HNRNPUL1: variants seen among roughly 807,000 people sequenced by gnomAD.
HNRNPUL1 encodes the protein heterogeneous nuclear ribonucleoprotein U-like protein 1.
In HNRNPUL1, 14 loss-of-function variants were observed where a neutral mutation model predicts 108.5. The observed-to-expected ratio is 0.13, with a 90% CI of 0.09 to 0.20. The LOEUF (loss-of-function observed/expected upper bound fraction) is 0.20, where lower values mean the gene tolerates loss of function less well. HNRNPUL1 is among the 10% of genes least tolerant of loss of function. The pLI is 1.00. For synonymous variants in HNRNPUL1, 422 were observed against 445.2 expected, an observed-to-expected ratio of 0.95 and a Z score of 0.66; for missense variants, 804 against 1,168.3, an observed-to-expected ratio of 0.69 and a Z score of 4.55.
chr19:41,278,800 A>G (rs1030824663), intron 5 of HNRNPUL1, among the ~76,000 whole-genome samples: 3 of 152,090 alleles, frequency 2.0e-5, no homozygotes, highest in Non-Finnish European at 4.4e-5. Context: ...ACACTGTAAC[A>G]GTTTATCTTT....
chr19:41,305,951 C>T, intron 14 of HNRNPUL1, 84 bp downstream of exon 14: 2 of 946,624 alleles, frequency 2.1e-6, no homozygotes, highest in Admixed American at 2.7e-5. Context: ...TAAGTCCCTG[C>T]TTATCCCTAA....
rs1193359377 is a variant in HNRNPUL1 at position 41,281,237 on chromosome 19, G to C, written c.961G>C (p.Asp321His). 6.2e-7 allele frequency: 1 copy of C among 1,614,124 alleles called. No homozygotes were observed. The highest frequency in any genetic ancestry group is 1.7e-5 in the Admixed American group (1 of 60,032). ...STNSRFENYG[D>H]KFAENDVIGC... ...CAATAGCCGGTTTGAAAACTACGGA[G>C]ACAAGTTTGCAGAGAACGATGTGAT... The change falls in exon 7 of 15, where the codon GAC (aspartate) becomes CAC (histidine). Residue 321 changes from aspartate to histidine, a missense_variant. Around this residue, in one of 4 missense-constraint regions of HNRNPUL1, gnomAD observed 174 missense variants for 296.6 expected, o/e 0.59. Transcript: ENST00000392006.
intron 2 of HNRNPUL1, among the ~76,000 whole-genome samples, chr19:41,269,480 G>GA (rs35932282): frequency 0.027 from 1,254 of 46,406 alleles, 5 homozygotes; most frequent in Non-Finnish European, 0.03. Context: ...ACCCTGTCAC[G>GA]AAAAAAAAAA....
chr19:41,269,676 G>A (rs1053897705), intron 2 of HNRNPUL1, among the ~76,000 whole-genome samples: 7 of 150,996 alleles, frequency 4.6e-5, no homozygotes, highest in African/African-American at 1.2e-4. Flanking sequence ...ATGGTGACAT[G>A]CTTGTAGTCC....
chr19:41,285,013 A>AG (rs1555740890), intron 7 of HNRNPUL1, among the ~76,000 whole-genome samples: 1 of 151,506 alleles, frequency 6.6e-6, no homozygotes, highest in African/African-American at 2.4e-5. Context: ...AAAAAAAAAA[A>AG]GGGCATACCT....
At chr19:41,271,209 A>T (rs1271885411) in intron 2 of HNRNPUL1, among the ~76,000 whole-genome samples, 1 of 152,240 alleles carries the variant, frequency 6.6e-6, no homozygotes, top group Non-Finnish European at 1.5e-5. Flanking sequence ...TGGGTGGCTC[A>T]GAACTTTACT....
chr19:41,303,315 C>T (rs867003548), intron 12 of HNRNPUL1, among the ~76,000 whole-genome samples: 1 of 150,346 alleles, frequency 6.7e-6, no homozygotes, highest in Non-Finnish European at 1.5e-5. Context: ...AGATGTGACT[C>T]GTTCATGGCT....
intron 7 of HNRNPUL1, among the ~76,000 whole-genome samples, chr19:41,282,434 G>A (rs1427831406): frequency 2.6e-5 from 4 of 152,088 alleles, no homozygotes; most frequent in East Asian, 1.9e-4. Flanking sequence ...TGCTCGCCTC[G>A]GCCTTGCAAA....
rs58020443 is a variant in HNRNPUL1 at position 41,302,200 on chromosome 19, T to C, written c.1688-465T>C. On this transcript the variant is annotated intron_variant, in intron 11 of 14. Coordinates refer to ENST00000392006, the MANE Select transcript of HNRNPUL1 (RefSeq NM_007040.6). The stretch of plus-strand genomic sequence containing the variant: ...AGGGGTTGGGGCTTTGTCTACCTCT[T>C]TCTCTCTCTCTCTGTTTTTTTTTTT... Among the ~76,000 whole-genome samples, 359 of 112,168 alleles carry C rather than the reference T, an allele frequency of 3.2e-3. 1 individual carries two copies. Among genetic ancestry groups the C allele is most frequent in the Non-Finnish European group, 4.6e-3 (219 of 47,906 alleles). The allele number at this position is 112,168 out of a possible 152,430, so 73.6% of individuals were successfully genotyped here. A position where few individuals can be genotyped will look rare whatever the true frequency, so the allele number is the denominator to read the frequency against.
At chr19:41,303,335 GC>G in intron 12 of HNRNPUL1, among the ~76,000 whole-genome samples, 1 of 150,952 alleles carries the variant, frequency 6.6e-6, no homozygotes, top group Middle Eastern at 3.4e-3. Context: ...TGTCACCAGT[GC>G]TTAGCTTCCT....
chr19:41,292,100 C>T lies in HNRNPUL1; in HGVS notation c.1000-145C>T. Reference sequence around the variant, plus strand: ...TCTCTGAGATGTTCACTGATGCTGCCCAGCTTACCTGTATGTTGGGGAAGG... The same window carrying T: ...TCTCTGAGATGTTCACTGATGCTGCTCAGCTTACCTGTATGTTGGGGAAGG... On this transcript the variant is annotated intron_variant, in intron 7 of 14. Transcript: ENST00000392006. This position sits in a 1 kb window ranked among gnomAD's most constrained non-coding sequence, Gnocchi z 4.1. 3 of 839,852 alleles carry T rather than the reference C, an allele frequency of 3.6e-6. No homozygotes were observed. In the South Asian group the frequency reaches 4.8e-5, roughly 13 times the overall value. 52.0% of individuals were successfully genotyped at this position (839,852 alleles called of 1,614,324 possible).
intron 10 of HNRNPUL1, among the ~76,000 whole-genome samples, chr19:41,297,130 A>G (rs1479250488): frequency 6.6e-6 from 1 of 152,238 alleles, no homozygotes; most frequent in Non-Finnish European, 1.5e-5. Flanking sequence ...ACAGCTGTGG[A>G]ACATCAGAAG....
At chr19:41,274,871 A>G (rs2035456796) in intron 4 of HNRNPUL1, among the ~76,000 whole-genome samples, 1 of 152,204 alleles carries the variant, frequency 6.6e-6, no homozygotes, top group Admixed American at 6.5e-5. Context: ...CGAAAACAAC[A>G]TCTACCCAGA....
At chr19:41,274,861 C>T (rs372459021) in intron 4 of HNRNPUL1, among the ~76,000 whole-genome samples, 8 of 152,234 alleles carry the variant, frequency 5.3e-5, no homozygotes, top group East Asian at 3.9e-4. Context: ...CACAAGCTCT[C>T]GAAAACAACA....
intron 12 of HNRNPUL1, among the ~76,000 whole-genome samples, chr19:41,303,323 G>A (rs1393163505): frequency 6.6e-6 from 1 of 151,624 alleles, no homozygotes. Flanking sequence ...CTCGTTCATG[G>A]CTGTCACCAG....
At position 41,296,429 on chromosome 19, in the gene HNRNPUL1, T is replaced by C. The variant is rs544157825; in HGVS notation, c.1518+1743T>C. Reference sequence around the variant, plus strand: ...GACATGTGGGTCAGGCCAAGAGATCTTGGCCAACAATGAGACAGAGAACCT... The same window carrying C: ...GACATGTGGGTCAGGCCAAGAGATCCTGGCCAACAATGAGACAGAGAACCT... On this transcript the variant is annotated intron_variant, in intron 10 of 14. Coordinates refer to ENST00000392006, the MANE Select transcript of HNRNPUL1 (RefSeq NM_007040.6). Among the ~76,000 whole-genome samples, 50 of 152,314 alleles carry C rather than the reference T, an allele frequency of 3.3e-4. No homozygotes were observed. In the South Asian group the frequency reaches 0.01, roughly 31 times the overall value.
intron 2 of HNRNPUL1, among the ~76,000 whole-genome samples, chr19:41,270,655 G>C (rs1469617817): frequency 6.9e-6 from 1 of 143,950 alleles, no homozygotes; most frequent in Admixed American, 7.1e-5. Context: ...GAGTACAATG[G>C]TGTGATCTTG....
intron 5 of HNRNPUL1, among the ~76,000 whole-genome samples, chr19:41,277,106 A>C (rs558916593): frequency 2.0e-5 from 3 of 147,932 alleles, no homozygotes; most frequent in South Asian, 2.1e-4. Flanking sequence ...CAAAAAAAAA[A>C]AACAAAAAAA....
At position 41,264,618 on chromosome 19, in the gene HNRNPUL1, G is replaced by A; in HGVS notation, c.115G>A (p.Ala39Thr). 1 of 1,582,014 alleles carries A rather than the reference G, an allele frequency of 6.3e-7. No homozygotes were observed. The highest frequency in any genetic ancestry group is 8.5e-7 in the Non-Finnish European group (1 of 1,171,940). Residue 39 changes from alanine to threonine, a missense_variant, in exon 1 of 15, where the codon GCC (alanine) becomes ACC (threonine). Transcript: ENST00000392006. ...LAERLQAALE[A>T]EEPDDERELD... ...TGAGCGGCTGCAGGCGGCGTTGGAG[G>A]CCGAGGAGCCTGACGACGAGCGGGA...
Sources: allele counts gnomAD v4.1 joint callset (sites outside exome capture counted in the v4.1 genomes callset), GRCh38; gene constraint gnomAD v4.1.1; regional missense constraint gnomAD v4.1.1; non-coding constraint Gnocchi (gnomAD v3.1); transcripts MANE v1.5; gene names NCBI Gene and HGNC (gene_info 2026-07-23, HGNC 2026-07-21).